The following SMCHD1 variants were observed in gnomAD, a reference collection of about 807,000 sequenced individuals.
SMCHD1 encodes the protein structural maintenance of chromosomes flexible hinge domain containing 1, also known as structural maintenance of chromosomes flexible hinge domain-containing protein 1.
Under a neutral mutation model 254.7 loss-of-function variants are expected in SMCHD1, and 78 were observed. The observed-to-expected ratio is 0.31, with a 90% CI of 0.26 to 0.37. The LOEUF is 0.37. Among genes scored for constraint, SMCHD1 ranks in the 10% least tolerant of loss-of-function variants. SMCHD1 has a pLI of 1.00. For synonymous variants in SMCHD1, 766 were observed against 794.9 expected (o/e 0.96, Z 0.61); for missense variants, 1,840 against 2,408.1 (o/e 0.76, Z 4.94).
intron 45 of SMCHD1, among the ~76,000 whole-genome samples, chr18:2,791,730 A>C (rs759480776): frequency 6.6e-6 from 1 of 152,218 alleles, no homozygotes; most frequent in Non-Finnish European, 1.5e-5. Flanking sequence ...ACCCAGGAGA[A>C]GCTCAGTAGT....
intron 1 of SMCHD1, among the ~76,000 whole-genome samples, chr18:2,658,915 TACATATATAC>T (rs35880981): frequency 0.039 from 5,834 of 150,014 alleles, 221 homozygotes; most frequent in African/African-American, 0.098. Flanking sequence ...TACGCATATA[TACATATATAC>T]ACATATATAC....
intron 42 of SMCHD1, 102 bp from the exon 43 acceptor site, chr18:2,777,704 G>T (rs1439539177): frequency 6.7e-6 from 4 of 600,466 alleles, no homozygotes; most frequent in African/African-American, 5.6e-5. Flanking sequence ...TTGATTGTAT[G>T]ATCAAAATGA....
At chr18:2,683,241 C>T (rs9957081) in intron 5 of SMCHD1, among the ~76,000 whole-genome samples, 30,818 of 142,824 alleles carry the variant, frequency 0.22, 3,292 homozygotes, top group South Asian at 0.33. Context: ...TTTTTTTTTT[C>T]TTAATAAACA....
Position 2,659,023 on chromosome 18 carries a change from CAAAAT to C in SMCHD1, c.186+2765_186+2769del, listed in dbSNP as rs542998391. 5.9e-5 allele frequency among the ~76,000 whole-genome samples: 9 copies of C among 152,066 alleles called. No homozygotes were observed. The South Asian group carries it at 1.9e-3, about 32-fold the overall frequency. ...TCACTTTTGTCCTTAGGGGAAGAGA[CAAAAT>C]AATATACTAAAGTTTTTGTTAAAAT... On this transcript the variant is annotated intron_variant, in intron 1 of 47. Transcript: ENST00000320876.
At chr18:2,712,586 G>A (rs779149211) in intron 17 of SMCHD1, among the ~76,000 whole-genome samples, 1 of 152,184 alleles carries the variant, frequency 6.6e-6, no homozygotes, top group Non-Finnish European at 1.5e-5. Flanking sequence ...GGAGTTGTAT[G>A]TGCAGATTTT....
intron 3 of SMCHD1, among the ~76,000 whole-genome samples, chr18:2,668,050 T>C (rs760634295): frequency 7.2e-5 from 11 of 152,042 alleles, no homozygotes; most frequent in Non-Finnish European, 1.5e-4. Flanking sequence ...TGGCTAATTT[T>C]TGTATTTTTA....
chr18:2,662,350 A>T (rs1377690908), intron 1 of SMCHD1, among the ~76,000 whole-genome samples: 2 of 151,996 alleles, frequency 1.3e-5, no homozygotes, highest in Non-Finnish European at 2.9e-5. Context: ...ACATGATTTA[A>T]CAAGTGGGAC....
intron 44 of SMCHD1, among the ~76,000 whole-genome samples, chr18:2,780,238 TAAAAAAAAAAA>T (rs56804553): frequency 2.9e-5 from 2 of 69,362 alleles, no homozygotes; most frequent in Non-Finnish European, 5.0e-5. Flanking sequence ...AGACTCTATC[TAAAAAAAAAAA>T]AAAAAAAAAA....
At chr18:2,773,893 A>G (rs1355684823) in intron 41 of SMCHD1, among the ~76,000 whole-genome samples, 1 of 152,216 alleles carries the variant, frequency 6.6e-6, no homozygotes, top group Non-Finnish European at 1.5e-5. Flanking sequence ...ACTGCACTCC[A>G]GCCTGAGTGA....
intron 41 of SMCHD1, among the ~76,000 whole-genome samples, chr18:2,773,990 C>T (rs1284049445): frequency 6.6e-6 from 1 of 152,064 alleles, no homozygotes; most frequent in Admixed American, 6.6e-5. Context: ...AGACTTTTCC[C>T]CCAAACTTCA....
intron 41 of SMCHD1, among the ~76,000 whole-genome samples, chr18:2,773,759 T>C (rs2076021291): frequency 6.6e-6 from 1 of 152,072 alleles, no homozygotes; most frequent in African/African-American, 2.4e-5. Flanking sequence ...CCGTCTCTAA[T>C]AAAACATACA....
intron 47 of SMCHD1, chr18:2,801,092 T>G (rs1319151008): frequency 6.6e-6 from 1 of 152,134 alleles, no homozygotes; most frequent in Non-Finnish European, 1.5e-5. Context: ...GAGAACCAAT[T>G]CAGACTATTA....
Position 2,803,152 on chromosome 18 carries a change from T to C in SMCHD1, c.*600T>C, listed in dbSNP as rs565275385. On this transcript the variant is annotated 3_prime_UTR_variant, in exon 48 of 48. Coordinates refer to ENST00000320876, the MANE Select transcript of SMCHD1 (RefSeq NM_015295.3). ...TCAATGAGTGAACTTGTGACAGTGG[T>C]AGCATTTCAAATTTCAAAAGACTTA... 6.7e-6 allele frequency: 1 copy of C among 148,990 alleles called. No individual in the cohort carries two copies. The highest frequency in any genetic ancestry group is 2.0e-4 in the East Asian group (1 of 5,124). 9.2% of individuals were successfully genotyped at this position (148,990 alleles called of 1,614,324 possible).
intron 34 of SMCHD1, among the ~76,000 whole-genome samples, chr18:2,759,078 A>G (rs751326854): frequency 6.6e-6 from 1 of 152,156 alleles, no homozygotes; most frequent in African/African-American, 2.4e-5. Flanking sequence ...AAGTCTGCCT[A>G]GAGTTCCTTT....
chr18:2,739,663 G>A lies in SMCHD1; in HGVS notation c.3514+143G>A, dbSNP rs1156548677. 2.5e-5 allele frequency: 15 copies of A among 610,302 alleles called. No individual in the cohort carries two copies. In the South Asian group the frequency reaches 3.3e-4, roughly 13 times the overall value. The allele number at this position is 610,302 out of a possible 1,614,324, so 37.8% of individuals were successfully genotyped here. On this transcript the variant is annotated intron_variant, in intron 27 of 47. Transcript: ENST00000320876. Reference sequence around the variant, plus strand: ...TGATATAAAATCTATTGTCAGATAAGATTGAAGTATTTTCATTATCTTTGC... The same window carrying A: ...TGATATAAAATCTATTGTCAGATAAAATTGAAGTATTTTCATTATCTTTGC...
Position 2,802,605 on chromosome 18 carries a change from G to GC in SMCHD1, c.*54dup. ...TCTCAGTAAGAATGCCCTGCTTTCT[G>GC]CATCTCTGTTTCAGAAGACCAAGAG... is the stretch of plus-strand genomic sequence containing the variant. On this transcript the variant is annotated 3_prime_UTR_variant, in exon 48 of 48. Coordinates refer to ENST00000320876, the MANE Select transcript of SMCHD1 (RefSeq NM_015295.3). 1 of 1,488,390 alleles carries GC rather than the reference G, an allele frequency of 6.7e-7. No homozygotes were observed. Among genetic ancestry groups the GC allele is most frequent in the Non-Finnish European group, 9.0e-7 (1 of 1,105,042 alleles). The allele number at this position is 1,488,390 out of a possible 1,614,324, so 92.2% of individuals were successfully genotyped here.
At chr18:2,779,382 G>T (rs1384924074) in intron 44 of SMCHD1, among the ~76,000 whole-genome samples, 2 of 152,148 alleles carry the variant, frequency 1.3e-5, no homozygotes, top group Non-Finnish European at 2.9e-5. Flanking sequence ...ACCCATGAGG[G>T]TGAGATAGAG....
Position 2,751,433 on chromosome 18 carries a change from C to T in SMCHD1, c.4281+40C>T, listed in dbSNP as rs1479319981. The T allele has an allele frequency of 3.5e-6, 4 of 1,148,334 alleles. No individual in the cohort carries two copies. In the African/African-American group the frequency reaches 6.5e-5, roughly 19 times the overall value. 71.1% of individuals were successfully genotyped at this position (1,148,334 alleles called of 1,614,324 possible). A position where few individuals can be genotyped will look rare whatever the true frequency, so the allele number is the denominator to read the frequency against. On this transcript the variant is annotated intron_variant, in intron 33 of 47. Transcript: ENST00000320876. ...GCATTTTTTGAAGTTAAAAATAGTT[C>T]TTACATTTAACTTAAAACTAAGTCT...
intron 44 of SMCHD1, among the ~76,000 whole-genome samples, chr18:2,780,430 C>T (rs753675476): frequency 6.6e-6 from 1 of 151,902 alleles, no homozygotes; most frequent in Non-Finnish European, 1.5e-5. Flanking sequence ...GGTGGGAGAG[C>T]TACTATATTC....
Sources: allele counts gnomAD v4.1 joint callset (sites outside exome capture counted in the v4.1 genomes callset), GRCh38; gene constraint gnomAD v4.1.1; transcripts MANE v1.5; gene names NCBI Gene and HGNC (gene_info 2026-07-23, HGNC 2026-07-21).